Variants in MCTP1 observed in about 807,000 individuals in gnomAD.
MCTP1 encodes multiple C2 and transmembrane domain-containing protein 1.
A neutral mutation model predicts 120.6 loss-of-function variants in MCTP1; 69 were observed. The observed-to-expected ratio is 0.57, with a 90% CI of 0.47 to 0.70. MCTP1 has a LOEUF of 0.70. MCTP1 is among the 30% of genes least tolerant of loss of function. The probability of loss-of-function intolerance (pLI) is 0.00; values close to 1 mark genes in which losing one functional copy is unlikely to be tolerated. For missense variants in MCTP1, 1,203 were observed against 1,248.8 expected (o/e 0.96, Z 0.55); for synonymous variants, 529 against 493.1 (o/e 1.07, Z -0.96).
chr5:94,831,442 C>T (rs1483771712), intron 17 of MCTP1, among the ~76,000 whole-genome samples: 1 of 152,178 alleles, frequency 6.6e-6, no homozygotes, highest in African/African-American at 2.4e-5. Context: ...GAACTATACA[C>T]AAATAAAAAT....
At chr5:94,974,678 A>C (rs1475303045) in intron 2 of MCTP1, among the ~76,000 whole-genome samples, 1 of 152,122 alleles carries the variant, frequency 6.6e-6, no homozygotes, top group Non-Finnish European at 1.5e-5. Context: ...AAACCTAAGT[A>C]TCAAAAAAGT....
At chr5:95,007,110 G>A (rs1410583472) in intron 2 of MCTP1, among the ~76,000 whole-genome samples, 1 of 152,256 alleles carries the variant, frequency 6.6e-6, no homozygotes, top group Middle Eastern at 3.4e-3. Flanking sequence ...GGCAGGAAGA[G>A]GAGAATGAGA....
chr5:95,256,178 GA>G (rs1311866769), intron 1 of MCTP1, among the ~76,000 whole-genome samples: 1 of 152,068 alleles, frequency 6.6e-6, no homozygotes, highest in Non-Finnish European at 1.5e-5. Flanking sequence ...AGAAGAATGA[GA>G]GCAAAGGAGC....
chr5:95,063,156 T>A (rs1284976438), intron 1 of MCTP1, among the ~76,000 whole-genome samples: 1 of 152,214 alleles, frequency 6.6e-6, no homozygotes, highest in East Asian at 1.9e-4. Flanking sequence ...CTCTGAATAA[T>A]TTTTAAAACA....
chr5:95,017,549 G>T (rs556065832), intron 1 of MCTP1, 65 bp from the exon 2 acceptor site: 3 of 1,026,134 alleles, frequency 2.9e-6, no homozygotes, highest in African/African-American at 3.3e-5. Context: ...TCTAAAGGGG[G>T]ACCATATATA....
chr5:95,279,375 A>AT (rs1760128410), intron 1 of MCTP1, among the ~76,000 whole-genome samples: 2 of 152,294 alleles, frequency 1.3e-5, no homozygotes, highest in Admixed American at 1.3e-4. Context: ...ATAATGTAAG[A>AT]TTTTTTCCAT....
At chr5:95,211,504 G>A (rs541352378) in intron 1 of MCTP1, among the ~76,000 whole-genome samples, 6 of 152,100 alleles carry the variant, frequency 3.9e-5, no homozygotes, top group Non-Finnish European at 7.4e-5. Context: ...CATAGTTCTC[G>A]AGCCTTGGCT....
chr5:95,284,387 G>C lies in MCTP1; in HGVS notation c.189C>G (p.Gly63=). 1 of 1,593,562 alleles carries C rather than the reference G, an allele frequency of 6.3e-7. No homozygotes were observed. The highest frequency in any genetic ancestry group is 1.1e-5 in the South Asian group (1 of 90,538). Residue 63 remains glycine (G), a synonymous_variant, in exon 1 of 23, where the codon GGC becomes GGG. Transcript: ENST00000515393. The surrounding 1 kb of genome is among the most constrained non-coding windows in gnomAD (Gnocchi z 5.2). The stretch of plus-strand genomic sequence containing the variant: ...TCCCCCTGGCCGGTGCATTCCCTGT[G>C]CCCACCGGGGGTGGCGGGGAGGGCG... The part of the protein sequence containing the change: ...TPSPSPPPPV[G]TGNAPARGSG...
intron 2 of MCTP1, among the ~76,000 whole-genome samples, chr5:95,004,754 G>A (rs1834367649): frequency 6.6e-6 from 1 of 152,242 alleles, no homozygotes; most frequent in Non-Finnish European, 1.5e-5. Flanking sequence ...TTCAGAGAAT[G>A]TATGGAAACA....
chr5:94,933,997 C>A (rs1222569417), intron 5 of MCTP1, among the ~76,000 whole-genome samples: 1 of 151,864 alleles, frequency 6.6e-6, no homozygotes, highest in East Asian at 1.9e-4. Context: ...TCACTATTTT[C>A]CTAATTCAGT....
chr5:95,183,942 T>C (rs13154529), intron 1 of MCTP1, among the ~76,000 whole-genome samples: 2 of 151,870 alleles, frequency 1.3e-5, no homozygotes, highest in East Asian at 1.9e-4. Context: ...TCACTCATAA[T>C]TGGGAGTTGA....
intron 1 of MCTP1, among the ~76,000 whole-genome samples, chr5:95,042,428 G>A (rs1053979420): frequency 5.3e-5 from 8 of 152,136 alleles, no homozygotes; most frequent in African/African-American, 1.9e-4. Flanking sequence ...ATGGTTTATG[G>A]ATAGTGATAA....
chr5:94,866,436 G>A (rs1193000793), intron 17 of MCTP1, among the ~76,000 whole-genome samples: 1 of 151,614 alleles, frequency 6.6e-6, no homozygotes, highest in Non-Finnish European at 1.5e-5. Flanking sequence ...TAATATTATG[G>A]GTTCTTCTCC....
chr5:94,890,016 AT>A (rs1477603381), intron 11 of MCTP1, among the ~76,000 whole-genome samples: 1 of 151,782 alleles, frequency 6.6e-6, no homozygotes, highest in Non-Finnish European at 1.5e-5. Context: ...TTTTATTTTT[AT>A]TTTTTTAGAG....
At chr5:95,145,010 A>G (rs906342007) in intron 1 of MCTP1, among the ~76,000 whole-genome samples, 2 of 152,152 alleles carry the variant, frequency 1.3e-5, no homozygotes, top group African/African-American at 4.8e-5. Flanking sequence ...TTTTAATGAT[A>G]TTGATTCTTC....
At chr5:94,786,611 A>G (rs1777763297) in intron 18 of MCTP1, among the ~76,000 whole-genome samples, 1 of 151,936 alleles carries the variant, frequency 6.6e-6, no homozygotes, top group Admixed American at 6.6e-5. Flanking sequence ...ATAACACAGA[A>G]CTCTATATCC....
intron 1 of MCTP1, among the ~76,000 whole-genome samples, chr5:95,179,604 G>A (rs1273838096): frequency 1.3e-5 from 2 of 152,154 alleles, no homozygotes; most frequent in African/African-American, 2.4e-5. Flanking sequence ...GAAAGATACA[G>A]TCTTTTCCAG....
At chr5:94,844,301 C>CAAAAAAAAAAA (rs59169145) in intron 17 of MCTP1, among the ~76,000 whole-genome samples, 44 of 79,554 alleles carry the variant, frequency 5.5e-4, no homozygotes, top group South Asian at 9.7e-4. Flanking sequence ...GACTCTGTCT[C>CAAAAAAAAAAA]AAAAAAAAAA....
At chr5:95,078,865 G>A (rs1754243122) in intron 1 of MCTP1, among the ~76,000 whole-genome samples, 1 of 151,990 alleles carries the variant, frequency 6.6e-6, no homozygotes, top group South Asian at 2.1e-4. Flanking sequence ...ACCTAATAAA[G>A]TTGCTGTAAG....
Sources: gnomAD v4.1 joint callset for allele counts (sites outside exome capture counted in the v4.1 genomes callset) on GRCh38, gnomAD v4.1.1 for gene constraint, Gnocchi (gnomAD v3.1) non-coding constraint, MANE v1.5 for transcripts, NCBI Gene and HGNC (gene_info 2026-07-23, HGNC 2026-07-21) for gene names.